The following CCDC149 variants were observed in gnomAD, a reference collection of about 807,000 sequenced individuals.
The protein encoded by CCDC149 is coiled-coil domain-containing protein 149.
CCDC149 carries 45 observed loss-of-function variants against 59.9 expected under a neutral mutation model. That is an observed-to-expected ratio of 0.75 (90% confidence interval 0.59 to 0.96). The LOEUF (loss-of-function observed/expected upper bound fraction) is 0.96. Ranked by LOEUF, CCDC149 falls within the 40% of genes least tolerant of loss-of-function variation. The pLI is 0.00. For synonymous variants in CCDC149, 245 were observed against 260.6 expected, an observed-to-expected ratio of 0.94 and a Z score of 0.58; for missense variants, 584 against 664.7, an observed-to-expected ratio of 0.88 and a Z score of 1.33.
intron 1 of CCDC149, among the ~76,000 whole-genome samples, chr4:24,899,054 G>A (rs1256797621): frequency 6.6e-6 from 1 of 152,160 alleles, no homozygotes; most frequent in Non-Finnish European, 1.5e-5. Flanking sequence ...CAGCAGTAGA[G>A]TGGTAAAATC....
chr4:24,978,637 T>C (rs975043205), intron 1 of CCDC149, among the ~76,000 whole-genome samples: 4 of 152,214 alleles, frequency 2.6e-5, no homozygotes, highest in Non-Finnish European at 5.9e-5. Flanking sequence ...TTGTTGTCTC[T>C]AATTTTCCCT....
At chr4:24,971,486 G>A (rs1439392701) in intron 1 of CCDC149, among the ~76,000 whole-genome samples, 3 of 152,232 alleles carry the variant, frequency 2.0e-5, no homozygotes, top group African/African-American at 7.2e-5. Context: ...CATGAGGCAC[G>A]TTAGGTGGTC....
At chr4:24,979,064 G>A (rs989948643) in intron 1 of CCDC149, among the ~76,000 whole-genome samples, 4 of 152,182 alleles carry the variant, frequency 2.6e-5, no homozygotes, top group South Asian at 4.1e-4. Flanking sequence ...GTGAGACAGG[G>A]AACAAATGGA....
chr4:24,936,060 A>G (rs1409846759), intron 1 of CCDC149, among the ~76,000 whole-genome samples: 6 of 152,174 alleles, frequency 3.9e-5, no homozygotes, highest in Non-Finnish European at 7.3e-5. Flanking sequence ...ATATTAGTCA[A>G]CTCAGATGAG....
rs546272124 is a variant in CCDC149 at position 24,891,344 on chromosome 4, G to C, written c.64-14647C>G. ...GACTCCATCCAGGTCTGTTTCTCTGGCTGATAACTGTGATGGGCTGATTAT... is the reference window on the plus strand; with the variant it reads ...GACTCCATCCAGGTCTGTTTCTCTGCCTGATAACTGTGATGGGCTGATTAT... On this transcript the variant is annotated intron_variant, in intron 1 of 12. Coordinates refer to ENST00000635206, the MANE Select transcript of CCDC149 (RefSeq NM_001330643.2). Among the ~76,000 whole-genome samples, 5 of 152,266 alleles carry C rather than the reference G, an allele frequency of 3.3e-5. 1 individual carries two copies. The South Asian group carries it at 1.0e-3, about 32-fold the overall frequency.
intron 1 of CCDC149, among the ~76,000 whole-genome samples, chr4:24,963,973 T>C (rs1038355985): frequency 6.6e-6 from 1 of 152,174 alleles, no homozygotes; most frequent in Non-Finnish European, 1.5e-5. Flanking sequence ...GGCAGGAGGA[T>C]GGCTTGAGCC....
intron 1 of CCDC149, among the ~76,000 whole-genome samples, chr4:24,964,124 G>A (rs535075360): frequency 2.0e-5 from 3 of 151,510 alleles, no homozygotes; most frequent in East Asian, 1.9e-4. Flanking sequence ...AGCCCAGGAG[G>A]TGGAGGCTGG....
At chr4:24,814,555 T>A (rs1237529747) in intron 12 of CCDC149, among the ~76,000 whole-genome samples, 2 of 152,216 alleles carry the variant, frequency 1.3e-5, no homozygotes, top group Non-Finnish European at 2.9e-5. Context: ...TGGGGACTTA[T>A]TAAACATGCA....
intron 1 of CCDC149, among the ~76,000 whole-genome samples, chr4:24,891,837 AT>A (rs545183883): frequency 4.0e-5 from 6 of 151,108 alleles, no homozygotes; most frequent in Non-Finnish European, 8.9e-5. Flanking sequence ...CTTCTCTACA[AT>A]TTTTTTTTAA....
intron 1 of CCDC149, among the ~76,000 whole-genome samples, chr4:24,896,534 G>T (rs906605923): frequency 6.6e-6 from 1 of 151,972 alleles, no homozygotes; most frequent in African/African-American, 2.4e-5. Context: ...GTTCAGACAC[G>T]CTATAATACA....
At chr4:24,902,683 C>T (rs112383744) in intron 1 of CCDC149, among the ~76,000 whole-genome samples, 4 of 152,238 alleles carry the variant, frequency 2.6e-5, no homozygotes, top group South Asian at 2.1e-4. Flanking sequence ...ATCTATTGTT[C>T]GCTATTGTGC....
intron 3 of CCDC149, among the ~76,000 whole-genome samples, chr4:24,866,431 A>G (rs1327963934): frequency 6.6e-6 from 1 of 152,192 alleles, no homozygotes; most frequent in Non-Finnish European, 1.5e-5. Flanking sequence ...TTAACCCGAG[A>G]TAATTTAATT....
chr4:24,830,428 C>T (rs985916417), intron 9 of CCDC149: 5 of 152,270 alleles, frequency 3.3e-5, no homozygotes, highest in Non-Finnish European at 5.9e-5. Flanking sequence ...GTCATCCCTT[C>T]GAGATTGCCC....
chr4:24,813,529 A>ATATATATATATATATATAT (rs1560197755), intron 12 of CCDC149, among the ~76,000 whole-genome samples: 1 of 110,444 alleles, frequency 9.1e-6, no homozygotes, highest in African/African-American at 4.4e-5. Context: ...TATATATATA[A>ATATATATATATATATATAT]AACCTAAAAA....
intron 3 of CCDC149, among the ~76,000 whole-genome samples, chr4:24,860,518 C>G (rs987855800): frequency 1.3e-5 from 2 of 152,148 alleles, no homozygotes; most frequent in African/African-American, 4.8e-5. Flanking sequence ...AAAAACCCTT[C>G]TAGACATTGG....
intron 1 of CCDC149, among the ~76,000 whole-genome samples, chr4:24,936,649 A>G (rs575543033): frequency 2.5e-4 from 38 of 152,324 alleles, no homozygotes; most frequent in Non-Finnish European, 1.5e-4. Flanking sequence ...ACAGGACACC[A>G]AAATGTGTCC....
chr4:24,869,484 C>G (rs1368181455), intron 3 of CCDC149, among the ~76,000 whole-genome samples: 2 of 152,188 alleles, frequency 1.3e-5, no homozygotes, highest in Admixed American at 1.3e-4. Flanking sequence ...TTGGAGCAAG[C>G]TACTTTGAGT....
chr4:24,978,898 T>C (rs1348978954), intron 1 of CCDC149, among the ~76,000 whole-genome samples: 2 of 152,218 alleles, frequency 1.3e-5, no homozygotes, highest in East Asian at 3.8e-4. Context: ...TAGGATGACA[T>C]CTGTGGCTGG....
chr4:24,842,105 G>C (rs946739760), intron 4 of CCDC149, among the ~76,000 whole-genome samples: 4 of 152,126 alleles, frequency 2.6e-5, no homozygotes, highest in African/African-American at 9.7e-5. Flanking sequence ...GGACCATCAG[G>C]GGGAATTCTG....
Sources: gnomAD v4.1 joint callset for allele counts (sites outside exome capture counted in the v4.1 genomes callset) on GRCh38, gnomAD v4.1.1 for gene constraint, MANE v1.5 for transcripts, NCBI Gene and HGNC (gene_info 2026-07-23, HGNC 2026-07-21) for gene names.